Variants in LRRC75A observed in about 807,000 individuals in gnomAD.
LRRC75A encodes the protein leucine-rich repeat-containing protein 75A.
LRRC75A carries 12 observed loss-of-function variants against 26.0 expected under a neutral mutation model. The observed-to-expected ratio is 0.46, with a 90% CI of 0.30 to 0.75. LRRC75A has a LOEUF of 0.75. Ranked by LOEUF, LRRC75A falls within the 30% of genes least tolerant of loss-of-function variation. The pLI is 0.08. For missense variants in LRRC75A, 410 were observed against 486.6 expected (o/e 0.84, Z 1.48); for synonymous variants, 223 against 219.3 (o/e 1.02, Z -0.15).
intron 1 of LRRC75A, among the ~76,000 whole-genome samples, chr17:16,467,529 C>T (rs1419069263): frequency 6.6e-6 from 1 of 152,160 alleles, no homozygotes; most frequent in Non-Finnish European, 1.5e-5. Context: ...GAGGAATACA[C>T]AGATGCTTTC....
At chr17:16,480,569 C>T (rs2093831238) in intron 1 of LRRC75A, among the ~76,000 whole-genome samples, 1 of 142,784 alleles carries the variant, frequency 7.0e-6, no homozygotes, top group South Asian at 2.1e-4. Flanking sequence ...GTGGAGGTTG[C>T]AGTGAGCTGA....
intron 2 of LRRC75A, among the ~76,000 whole-genome samples, chr17:16,452,005 C>T (rs992126106): frequency 6.6e-6 from 1 of 151,472 alleles, no homozygotes; most frequent in African/African-American, 2.4e-5. Context: ...CCTCGGCCTC[C>T]CATTACAGGC....
chr17:16,472,445 C>T (rs1451331917), intron 1 of LRRC75A, among the ~76,000 whole-genome samples: 3 of 152,242 alleles, frequency 2.0e-5, no homozygotes, highest in Non-Finnish European at 2.9e-5. Flanking sequence ...TGGAGGGGTA[C>T]GTGGGGTGCA....
intron 1 of LRRC75A, among the ~76,000 whole-genome samples, chr17:16,490,628 G>A (rs969280271): frequency 1.3e-5 from 2 of 152,112 alleles, no homozygotes; most frequent in African/African-American, 4.8e-5. Flanking sequence ...GAAGAGTGCT[G>A]CAGAACCCAA....
chr17:16,473,863 G>A (rs116952093), intron 1 of LRRC75A, among the ~76,000 whole-genome samples: 3,064 of 152,240 alleles, frequency 0.02, 46 homozygotes, highest in Non-Finnish European at 0.028. Context: ...AGGAGTCAGC[G>A]GGCTGGGCAG....
intron 2 of LRRC75A, among the ~76,000 whole-genome samples, chr17:16,449,533 G>T (rs1445628407): frequency 6.6e-6 from 1 of 152,182 alleles, no homozygotes; most frequent in Non-Finnish European, 1.5e-5. Context: ...CCGTGATAGC[G>T]GCACCAGCAC....
At position 16,491,648 on chromosome 17, in the gene LRRC75A, G is replaced by T; in HGVS notation, c.246+97C>A. The T allele has an allele frequency of 2.1e-6, 2 of 943,748 alleles. No individual in the cohort carries two copies. Among genetic ancestry groups the T allele is most frequent in the Non-Finnish European group, 2.7e-6 (2 of 731,494 alleles). The allele number at this position is 943,748 out of a possible 1,614,324, so 58.5% of individuals were successfully genotyped here. The stretch of plus-strand genomic sequence containing the variant: ...AAGGGGCCCCTGGGCGGTGCCCCTC[G>T]GTGCCCCCGGCTTCCTCGGTTAGGG... On this transcript the variant is annotated intron_variant, in intron 1 of 3. Transcript: ENST00000470794. The surrounding 1 kb of genome is among the most constrained non-coding windows in gnomAD (Gnocchi z 5.9).
chr17:16,458,627 G>A (rs542113430), intron 2 of LRRC75A, among the ~76,000 whole-genome samples: 132 of 152,062 alleles, frequency 8.7e-4, no homozygotes, highest in African/African-American at 2.8e-3. Flanking sequence ...CACCACGCCC[G>A]GCTAATTTTG....
chr17:16,448,910 T>G (rs1299668123), intron 2 of LRRC75A, among the ~76,000 whole-genome samples: 1 of 152,224 alleles, frequency 6.6e-6, no homozygotes, highest in Non-Finnish European at 1.5e-5. Flanking sequence ...TTTTTTGTTA[T>G]GGCAGACACT....
Position 16,476,886 on chromosome 17 carries a change from C to A in LRRC75A, c.247-14500G>T, listed in dbSNP as rs546871159. On this transcript the variant is annotated intron_variant, in intron 1 of 3. Coordinates refer to ENST00000470794, the MANE Select transcript of LRRC75A (RefSeq NM_001113567.3). ...CCCAAGTAGCTGGGACCACAGGCGC[C>A]CACCACCACGCCTGGCTAATTTTTT... Among the ~76,000 whole-genome samples, 9 of 152,066 alleles carry A rather than the reference C, an allele frequency of 5.9e-5. No individual in the cohort carries two copies. In the South Asian group the frequency reaches 1.0e-3, roughly 18 times the overall value.
chr17:16,480,389 G>C (rs936369638), intron 1 of LRRC75A, among the ~76,000 whole-genome samples: 5 of 152,106 alleles, frequency 3.3e-5, no homozygotes, highest in African/African-American at 9.7e-5. Flanking sequence ...TAGCACTTTG[G>C]GAGGCCGAGG....
In LRRC75A at chr17:16,491,626, G is replaced by GCCTC. The variant is rs1234136000; in HGVS notation, c.246+118_246+119insGAGG. ...AGACAGGGCTCCATCCCCGCGGAAGGGGCCCCTGGGCGGTGCCCCTCGGTG... is the reference window on the plus strand; with the variant it reads ...AGACAGGGCTCCATCCCCGCGGAAGGCCTCGGCCCCTGGGCGGTGCCCCTCGGTG... On this transcript the variant is annotated intron_variant, in intron 1 of 3. Coordinates refer to ENST00000470794, the MANE Select transcript of LRRC75A (RefSeq NM_001113567.3). The surrounding 1 kb of genome is among the most constrained non-coding windows in gnomAD (Gnocchi z 5.9). 1.8e-4 allele frequency: 125 copies of GCCTC among 695,352 alleles called. No individual in the cohort carries two copies. The highest frequency in any genetic ancestry group is 2.3e-4 in the Non-Finnish European group (115 of 505,200). 43.1% of individuals were successfully genotyped at this position (695,352 alleles called of 1,614,324 possible).
At chr17:16,485,692 G>GTGTGTA (rs1419281662) in intron 1 of LRRC75A, among the ~76,000 whole-genome samples, 1 of 147,252 alleles carries the variant, frequency 6.8e-6, no homozygotes, top group African/African-American at 2.6e-5. Flanking sequence ...GTGTGTGTGT[G>GTGTGTA]TATGCGTGGG....
intron 1 of LRRC75A, among the ~76,000 whole-genome samples, chr17:16,476,961 A>T (rs35641431): frequency 0.45 from 67,600 of 150,150 alleles, 16,373 homozygotes; most frequent in East Asian, 0.67. Context: ...GATGGTCTCA[A>T]TCTCCTGACC....
intron 1 of LRRC75A, among the ~76,000 whole-genome samples, chr17:16,479,797 G>A (rs2093829418): frequency 6.6e-6 from 1 of 152,154 alleles, no homozygotes; most frequent in Admixed American, 6.5e-5. Flanking sequence ...CCAACACTAG[G>A]TCATCATTGT....
chr17:16,447,209 C>G (rs2143010892), intron 3 of LRRC75A, among the ~76,000 whole-genome samples: 1 of 152,260 alleles, frequency 6.6e-6, no homozygotes, highest in Middle Eastern at 3.4e-3. Flanking sequence ...CTGTGTCCTA[C>G]ATGCCCCTCA....
intron 1 of LRRC75A, chr17:16,478,782 A>T (rs1046481699): frequency 5.3e-5 from 8 of 152,246 alleles, no homozygotes; most frequent in African/African-American, 1.9e-4. Context: ...CCCACCAGTG[A>T]GAATCCTGCC....
intron 1 of LRRC75A, among the ~76,000 whole-genome samples, chr17:16,473,846 G>C (rs2093813313): frequency 6.6e-6 from 1 of 152,178 alleles, no homozygotes; most frequent in South Asian, 2.1e-4. Context: ...GGTCTGCCTT[G>C]CCCAGCAGGA....
intron 2 of LRRC75A, among the ~76,000 whole-genome samples, chr17:16,461,936 A>G (rs1444338630): frequency 6.6e-6 from 1 of 151,710 alleles, no homozygotes; most frequent in Non-Finnish European, 1.5e-5. Flanking sequence ...TATAACAGGG[A>G]TGGCTACTTA....
Sources: gnomAD v4.1 joint callset for allele counts (sites outside exome capture counted in the v4.1 genomes callset) on GRCh38, gnomAD v4.1.1 for gene constraint, Gnocchi (gnomAD v3.1) non-coding constraint, MANE v1.5 for transcripts, NCBI Gene and HGNC (gene_info 2026-07-23, HGNC 2026-07-21) for gene names.